The following ATP2C1 variants were observed in gnomAD, a reference collection of about 807,000 sequenced individuals.
ATP2C1 encodes calcium-transporting ATPase type 2C member 1.
Under a neutral mutation model 120.5 loss-of-function variants are expected in ATP2C1, and 31 were observed. The ratio of observed to expected loss-of-function variants is 0.26; its 90% CI spans 0.19 to 0.35. The LOEUF (loss-of-function observed/expected upper bound fraction) is 0.35. Among genes scored for constraint, ATP2C1 ranks in the 10% least tolerant of loss-of-function variants. The pLI is 1.00. For synonymous variants in ATP2C1, 351 were observed against 358.7 expected (o/e 0.98, Z 0.24); for missense variants, 731 against 1,107.5 (o/e 0.66, Z 4.83).
intron 18 of ATP2C1, among the ~76,000 whole-genome samples, chr3:130,976,158 A>G (rs544819866): frequency 1.8e-4 from 28 of 152,326 alleles, no homozygotes; most frequent in Admixed American, 1.5e-3. Context: ...TAATTTTATT[A>G]TTTTAATGAA....
At chr3:130,989,816 T>C (rs974109453) in intron 20 of ATP2C1, among the ~76,000 whole-genome samples, 4 of 152,254 alleles carry the variant, frequency 2.6e-5, no homozygotes, top group Admixed American at 6.5e-5. Flanking sequence ...ACACTTGTTA[T>C]ATTTCAGTGC....
upstream of ATP2C1, among the ~76,000 whole-genome samples, chr3:130,891,588 T>G (rs975957211): frequency 6.6e-6 from 1 of 152,204 alleles, no homozygotes; most frequent in African/African-American, 2.4e-5. Flanking sequence ...AAGCTGAAAC[T>G]TGGAAATAAT....
chr3:130,881,449 C>T (rs1236058637), intron 1 of ATP2C1, among the ~76,000 whole-genome samples: 3 of 151,960 alleles, frequency 2.0e-5, no homozygotes, highest in Non-Finnish European at 2.9e-5. Flanking sequence ...GCCTTGTCCT[C>T]CTGGGCTCAA....
At chr3:130,902,834 T>C (rs1204728531) in intron 2 of ATP2C1, among the ~76,000 whole-genome samples, 1 of 151,996 alleles carries the variant, frequency 6.6e-6, no homozygotes, top group East Asian at 1.9e-4. Flanking sequence ...TCCCTTTATT[T>C]TGTAAGGTGT....
Position 130,994,054 on chromosome 3 carries a change from G to A in ATP2C1, c.2013G>A (p.Glu671=), listed in dbSNP as rs1263535047. ...AGACTGGTACAGATGTTTGCAAAGA[G>A]GCAGCAGACATGATCCTAGTGGATG... The part of the protein sequence containing the change: ...MGQTGTDVCK[E]AADMILVDDD... The change falls in exon 22 of 28, where the codon GAG becomes GAA. Residue 671 remains glutamate (E), a synonymous_variant. Transcript: ENST00000510168. The A allele has an allele frequency of 6.2e-7, 1 of 1,614,122 alleles. No homozygotes were observed. The highest frequency in any genetic ancestry group is 8.5e-7 in the Non-Finnish European group (1 of 1,180,006).
chr3:130,874,677 G>A (rs2068543849), intron 1 of ATP2C1, among the ~76,000 whole-genome samples: 1 of 152,170 alleles, frequency 6.6e-6, no homozygotes, highest in South Asian at 2.1e-4. Flanking sequence ...GCTTAATTAT[G>A]TATTAAAGGA....
downstream of ATP2C1, among the ~76,000 whole-genome samples, chr3:131,007,964 T>TCTCATTCATCTG (rs1485957671): frequency 6.6e-6 from 1 of 152,262 alleles, no homozygotes; most frequent in Non-Finnish European, 1.5e-5. Context: ...CCTATTCCTG[T>TCTCATTCATCTG]CTCATTCATC....
Position 130,869,514 on chromosome 3 carries a change from T to G in ATP2C1, c.108+18586T>G, listed in dbSNP as rs566444817. 5.4e-5 allele frequency among the ~76,000 whole-genome samples: 8 copies of G among 148,696 alleles called. No individual in the cohort carries two copies. In the East Asian group the frequency reaches 1.6e-3, roughly 30 times the overall value. On this transcript the variant is annotated intron_variant, in intron 1 of 26. Transcript: ENST00000504381. ...TTGAAAGCTGAGGTAGGCTGAAAGC[T>G]AGGCCTCATGCATCAGTTAGCCAAG...
intron 20 of ATP2C1, among the ~76,000 whole-genome samples, chr3:130,981,081 A>G (rs2061736962): frequency 6.6e-6 from 1 of 152,124 alleles, no homozygotes; most frequent in Non-Finnish European, 1.5e-5. Flanking sequence ...AAATTCGCCC[A>G]TTTTAGTGTA....
intron 20 of ATP2C1, among the ~76,000 whole-genome samples, chr3:130,982,038 T>A (rs1263538512): frequency 4.6e-5 from 7 of 152,168 alleles, no homozygotes; most frequent in Non-Finnish European, 1.0e-4. Flanking sequence ...TAGGTCTAGT[T>A]TTTCAATTTC....
intron 1 of ATP2C1, among the ~76,000 whole-genome samples, chr3:130,876,587 C>T (rs1018822499): frequency 1.3e-5 from 2 of 152,070 alleles, no homozygotes; most frequent in Non-Finnish European, 2.9e-5. Flanking sequence ...CTTAGGATTG[C>T]TTTGGTTCCT....
intron 26 of ATP2C1, among the ~76,000 whole-genome samples, chr3:131,013,061 A>G (rs1274678221): frequency 6.6e-6 from 1 of 152,244 alleles, no homozygotes; most frequent in Non-Finnish European, 1.5e-5. Context: ...GTATGAATAC[A>G]AGTAAAATGA....
chr3:130,960,601 C>T (rs2060777651), intron 12 of ATP2C1, among the ~76,000 whole-genome samples: 2 of 152,218 alleles, frequency 1.3e-5, no homozygotes, highest in South Asian at 4.1e-4. Context: ...ATTATTCTTA[C>T]CAGGTCACTA....
At chr3:130,954,980 A>T in intron 9 of ATP2C1, 32 bp from the exon 10 acceptor site, 4 of 1,499,234 alleles carry the variant, frequency 2.7e-6, no homozygotes, top group Non-Finnish European at 3.7e-6. Flanking sequence ...TTTCATCTGG[A>T]TGTAAATGTA....
intron 2 of ATP2C1, among the ~76,000 whole-genome samples, chr3:130,895,920 A>T (rs976955008): frequency 2.6e-5 from 4 of 152,240 alleles, no homozygotes; most frequent in Non-Finnish European, 5.9e-5. Context: ...ACTAAAGTGT[A>T]TAACTGCAGA....
intron 8 of ATP2C1, 29 bp downstream of exon 8, chr3:130,941,728 G>T: frequency 6.7e-7 from 1 of 1,485,044 alleles, no homozygotes; most frequent in Middle Eastern, 1.7e-4. Flanking sequence ...TGTAATAAGT[G>T]AAAATACGTG....
chr3:130,997,624 G>C lies in ATP2C1; in HGVS notation c.2262G>C (p.Val754=). ...TTTTAAGCCTTGGAGTAGAACCAGT[G>C]GATAAAGATGTCATTCGTAAACCTC... ...PPAQSLGVEP[V]DKDVIRKPPR... Residue 754 remains valine, a synonymous_variant, in exon 25 of 28, where the codon GTG becomes GTC. Transcript: ENST00000510168. 1.2e-6 allele frequency: 2 copies of C among 1,613,380 alleles called. No homozygotes were observed. The highest frequency in any genetic ancestry group is 1.7e-6 in the Non-Finnish European group (2 of 1,179,668).
At chr3:130,926,707 C>CA (rs1303329207) in intron 2 of ATP2C1, among the ~76,000 whole-genome samples, 1 of 152,268 alleles carries the variant, frequency 6.6e-6, no homozygotes. Context: ...CACACACACT[C>CA]ACGCTCACAT....
At chr3:130,942,361 T>C (rs1465332079) in intron 8 of ATP2C1, among the ~76,000 whole-genome samples, 2 of 152,256 alleles carry the variant, frequency 1.3e-5, no homozygotes, top group African/African-American at 4.8e-5. Flanking sequence ...TGCTAAATAA[T>C]GTTATCCTTA....
Sources: gnomAD v4.1 joint callset for allele counts (sites outside exome capture counted in the v4.1 genomes callset) on GRCh38, gnomAD v4.1.1 for gene constraint, MANE v1.5 for transcripts, NCBI Gene and HGNC (gene_info 2026-07-23, HGNC 2026-07-21) for gene names.